The following TMEM163 variants were observed in gnomAD, a reference collection of about 807,000 sequenced individuals.
TMEM163 encodes the protein transmembrane protein 163.
A neutral mutation model predicts 29.3 loss-of-function variants in TMEM163; 17 were observed. The observed-to-expected ratio is 0.58, with a 90% CI of 0.40 to 0.87. TMEM163 has a LOEUF of 0.87. Ranked by LOEUF, TMEM163 falls within the 40% of genes least tolerant of loss-of-function variation. TMEM163 has a pLI of 0.00. For synonymous variants in TMEM163, 157 were observed against 160.6 expected (o/e 0.98, Z 0.17); for missense variants, 303 against 381.5 (o/e 0.79, Z 1.71).
chr2:134,466,099 C>G lies in TMEM163; in HGVS notation c.667+15G>C. ...AGCCCAGCCCCCAGAGATTAGGCAC[C>G]CTGGCCTTACTCACCATCTGTTATG... On this transcript the variant is annotated intron_variant, in intron 6 of 7. Transcript: ENST00000281924. The G allele has an allele frequency of 6.3e-7, 1 of 1,597,780 alleles. No homozygotes were observed. Among genetic ancestry groups the G allele is most frequent in the Non-Finnish European group, 8.6e-7 (1 of 1,168,740 alleles).
rs897228098 is a variant in TMEM163, at chr2:134,455,803, G to T, written c.*913C>A. 1 of 152,294 alleles carries T rather than the reference G, an allele frequency of 6.6e-6. No individual in the cohort carries two copies. Among genetic ancestry groups the T allele is most frequent in the Admixed American group, 6.5e-5 (1 of 15,280 alleles). The allele number at this position is 152,294 out of a possible 1,614,324, so 9.4% of individuals were successfully genotyped here. A position where few individuals can be genotyped will look rare whatever the true frequency, so the allele number is the denominator to read the frequency against. On this transcript the variant is annotated 3_prime_UTR_variant, in exon 8 of 8. Coordinates refer to ENST00000281924, the MANE Select transcript of TMEM163 (RefSeq NM_030923.5). ...AGGTCTTTATTGGTCAGCCACTACT[G>T]CCCGGGCAAGCAGTGGTGTGAGAGG... is the stretch of plus-strand genomic sequence containing the variant.
intron 2 of TMEM163, among the ~76,000 whole-genome samples, chr2:134,637,404 G>A (rs960754191): frequency 3.9e-5 from 6 of 152,302 alleles, no homozygotes; most frequent in South Asian, 2.1e-4. Context: ...GCTGGTTCCC[G>A]CCTGGCAGCC....
At chr2:134,510,806 A>G (rs1679929923) in intron 4 of TMEM163, among the ~76,000 whole-genome samples, 1 of 152,148 alleles carries the variant, frequency 6.6e-6, no homozygotes, top group Non-Finnish European at 1.5e-5. Context: ...TTCCCGGCCT[A>G]GGCTCCCAGG....
chr2:134,547,625 T>C (rs1005502788), intron 4 of TMEM163, among the ~76,000 whole-genome samples: 1 of 152,186 alleles, frequency 6.6e-6, no homozygotes, highest in Non-Finnish European at 1.5e-5. Context: ...TAAACTTACA[T>C]GGGGTAAAGC....
intron 2 of TMEM163, among the ~76,000 whole-genome samples, chr2:134,580,096 A>G (rs1681657128): frequency 2.0e-5 from 3 of 152,236 alleles, no homozygotes; most frequent in African/African-American, 7.2e-5. Context: ...TTCAATAAAC[A>G]AAGCAGAAGT....
chr2:134,580,002 C>G (rs1318241250), intron 2 of TMEM163, among the ~76,000 whole-genome samples: 1 of 152,020 alleles, frequency 6.6e-6, no homozygotes, highest in Non-Finnish European at 1.5e-5. Flanking sequence ...ACCTTAGGTA[C>G]CAAAGCTCAA....
At chr2:134,571,276 G>A (rs976682635) in intron 2 of TMEM163, among the ~76,000 whole-genome samples, 3 of 152,110 alleles carry the variant, frequency 2.0e-5, no homozygotes, top group African/African-American at 7.2e-5. Flanking sequence ...ATACTGTCTC[G>A]CTTTCCATTG....
chr2:134,507,106 G>A (rs1679842029), intron 4 of TMEM163, among the ~76,000 whole-genome samples: 1 of 152,144 alleles, frequency 6.6e-6, no homozygotes, highest in African/African-American at 2.4e-5. Flanking sequence ...GGAGGCCGAG[G>A]TGGGTGGATC....
chr2:134,521,423 T>C (rs1425631755), intron 4 of TMEM163, among the ~76,000 whole-genome samples: 2 of 152,192 alleles, frequency 1.3e-5, no homozygotes, highest in Non-Finnish European at 2.9e-5. Flanking sequence ...TGTCATAATT[T>C]GGGCAAGGGT....
At chr2:134,599,548 T>A (rs1016621266) in intron 2 of TMEM163, among the ~76,000 whole-genome samples, 6 of 152,078 alleles carry the variant, frequency 3.9e-5, no homozygotes, top group Admixed American at 2.0e-4. Flanking sequence ...ATCTAGGACT[T>A]CCAGTCTCCA....
chr2:134,699,671 A>T lies in TMEM163; in HGVS notation c.322+13529T>A, dbSNP rs564203759. ...AGTCAAATCTTCAATATTTTCATGA[A>T]TTTTTTTTCTTTTTATCTATCAACT... On this transcript the variant is annotated intron_variant, in intron 2 of 7. Coordinates refer to ENST00000281924, the MANE Select transcript of TMEM163 (RefSeq NM_030923.5). Among the ~76,000 whole-genome samples the T allele has an allele frequency of 6.6e-5, 10 of 152,088 alleles. 1 individual carries two copies. The highest frequency in any genetic ancestry group is 4.2e-4 in the South Asian group (2 of 4,802).
intron 5 of TMEM163, among the ~76,000 whole-genome samples, chr2:134,497,021 G>A (rs954240529): frequency 1.3e-5 from 2 of 152,080 alleles, no homozygotes; most frequent in African/African-American, 2.4e-5. Flanking sequence ...TTCAGATGTC[G>A]CATGGAGTGT....
At chr2:134,566,282 A>G (rs17498551) in intron 2 of TMEM163, among the ~76,000 whole-genome samples, 4,746 of 152,240 alleles carry the variant, frequency 0.031, 183 homozygotes, top group East Asian at 0.14. Context: ...TTACAATGGC[A>G]GATATAAAAG....
chr2:134,521,923 G>A (rs1680198693), intron 4 of TMEM163, among the ~76,000 whole-genome samples: 1 of 152,176 alleles, frequency 6.6e-6, no homozygotes, highest in Non-Finnish European at 1.5e-5. Context: ...AGTCGAGGAA[G>A]ACCAAGTTCA....
At chr2:134,585,995 A>T (rs1161242397) in intron 2 of TMEM163, among the ~76,000 whole-genome samples, 1 of 152,204 alleles carries the variant, frequency 6.6e-6, no homozygotes, top group Non-Finnish European at 1.5e-5. Flanking sequence ...TTTTTGAAAG[A>T]AGAGCCCAAC....
Position 134,703,352 on chromosome 2 carries a change from GA to G in TMEM163, c.322+9847del, listed in dbSNP as rs1684742728. ...AACCAATAGAATTACCTCTGCATCT[GA>G]AAATATCACAGAGAAGCTGAGGTTA... On this transcript the variant is annotated intron_variant, in intron 2 of 7. Transcript: ENST00000281924. 4.6e-5 allele frequency among the ~76,000 whole-genome samples: 7 copies of G among 152,214 alleles called. 1 individual carries two copies. The South Asian group carries it at 1.5e-3, about 32-fold the overall frequency.
At chr2:134,656,570 C>T (rs913951048) in intron 2 of TMEM163, among the ~76,000 whole-genome samples, 1 of 152,162 alleles carries the variant, frequency 6.6e-6, no homozygotes, top group Non-Finnish European at 1.5e-5. Flanking sequence ...CTTGGCTCCT[C>T]CCCCCGCCTT....
intron 4 of TMEM163, among the ~76,000 whole-genome samples, chr2:134,541,125 C>T (rs1366961212): frequency 2.0e-5 from 3 of 152,192 alleles, no homozygotes; most frequent in East Asian, 3.9e-4. Context: ...CTAAGTTGTG[C>T]TTCCTTAGTT....
intron 5 of TMEM163, among the ~76,000 whole-genome samples, chr2:134,478,581 T>C (rs1036533027): frequency 6.6e-5 from 10 of 152,288 alleles, no homozygotes; most frequent in African/African-American, 2.4e-4. Context: ...GGTATGTAGG[T>C]TGAAGAAACT....
Sources: allele counts gnomAD v4.1 joint callset (sites outside exome capture counted in the v4.1 genomes callset), GRCh38; gene constraint gnomAD v4.1.1; transcripts MANE v1.5; gene names NCBI Gene and HGNC (gene_info 2026-07-23, HGNC 2026-07-21).